Variants in INO80C observed in about 807,000 individuals in gnomAD.
INO80C encodes INO80 complex subunit C.
A neutral mutation model predicts 17.7 loss-of-function variants in INO80C; 17 were observed. The ratio of observed to expected loss-of-function variants is 0.96; its 90% CI spans 0.66 to 1.44. The LOEUF (loss-of-function observed/expected upper bound fraction) is 1.44, where lower values mean the gene tolerates loss of function less well. INO80C is among the 40% of genes most tolerant of loss of function. The pLI, the probability that INO80C is intolerant of heterozygous loss-of-function variation, is 0.00. For missense variants in INO80C, 244 were observed against 245.0 expected (o/e 1.00, Z 0.03); for synonymous variants, 96 against 95.8 (o/e 1.00, Z -0.01).
At chr18:35,473,951 A>G (rs973555754) in intron 4 of INO80C, among the ~76,000 whole-genome samples, 1 of 152,012 alleles carries the variant, frequency 6.6e-6, no homozygotes, top group Non-Finnish European at 1.5e-5. Context: ...CTCTTCAAGG[A>G]AAGATAACAG....
chr18:35,481,259 A>G (rs983089348), intron 1 of INO80C, among the ~76,000 whole-genome samples: 13 of 152,250 alleles, frequency 8.5e-5, no homozygotes, highest in Admixed American at 5.2e-4. Flanking sequence ...AAAAACCTTT[A>G]AGCTAACAAT....
chr18:35,468,600 C>T lies in INO80C; in HGVS notation c.*11G>A, dbSNP rs1226497524. On this transcript the variant is annotated 3_prime_UTR_variant, in exon 5 of 5. Coordinates refer to ENST00000334598, the MANE Select transcript of INO80C (RefSeq NM_194281.4). ...TGAAACAGCTTTCCACTTCATCTCC[C>T]TTTCTGGGGCTCAGGGAACGATGCT... 2 of 1,614,098 alleles carry T rather than the reference C, an allele frequency of 1.2e-6. No individual in the cohort carries two copies. The highest frequency in any genetic ancestry group is 1.7e-6 in the Non-Finnish European group (2 of 1,180,002).
intron 4 of INO80C, among the ~76,000 whole-genome samples, chr18:35,475,474 GC>G (rs1267588425): frequency 6.6e-6 from 1 of 152,082 alleles, no homozygotes; most frequent in Non-Finnish European, 1.5e-5. Context: ...TTGAGACCAG[GC>G]CCGGGCAACA....
At chr18:35,474,459 A>T (rs2045710764) in intron 4 of INO80C, among the ~76,000 whole-genome samples, 1 of 151,744 alleles carries the variant, frequency 6.6e-6, no homozygotes, top group Non-Finnish European at 1.5e-5. Flanking sequence ...AGGCCAAGGC[A>T]GGAGGATGAC....
At chr18:35,485,109 T>G (rs915162422) in intron 1 of INO80C, among the ~76,000 whole-genome samples, 4 of 151,994 alleles carry the variant, frequency 2.6e-5, no homozygotes, top group Non-Finnish European at 4.4e-5. Flanking sequence ...ACGACCTCAT[T>G]TAATCTTAAT....
At chr18:35,497,609 G>A (rs1222727107) in intron 1 of INO80C, 110 bp downstream of exon 1, 18 of 1,461,932 alleles carry the variant, frequency 1.2e-5, no homozygotes, top group South Asian at 1.4e-5. Context: ...CAACCCCAAC[G>A]GAGACCGCAC....
At chr18:35,483,462 T>G (rs914829859) in intron 1 of INO80C, 32 of 152,114 alleles carry the variant, frequency 2.1e-4, no homozygotes, top group Admixed American at 1.8e-3. Flanking sequence ...GAACAACAGA[T>G]CAGAAGAAAG....
chr18:35,492,714 C>T (rs1000600309), intron 1 of INO80C, among the ~76,000 whole-genome samples: 3 of 152,186 alleles, frequency 2.0e-5, no homozygotes, highest in Admixed American at 6.5e-5. Flanking sequence ...CCTCCAATTA[C>T]AGAAGATTCT....
At chr18:35,486,203 C>G (rs1482149388) in intron 1 of INO80C, among the ~76,000 whole-genome samples, 1 of 152,180 alleles carries the variant, frequency 6.6e-6, no homozygotes, top group Non-Finnish European at 1.5e-5. Context: ...CATTCTGATT[C>G]ATGCTCTGTC....
At chr18:35,476,554 A>G (rs896867128) in intron 4 of INO80C, among the ~76,000 whole-genome samples, 17 of 152,228 alleles carry the variant, frequency 1.1e-4, no homozygotes, top group African/African-American at 3.6e-4. Context: ...AAAACGCTCA[A>G]TAAATCCAGA....
At chr18:35,487,445 G>A (rs750916307) in intron 1 of INO80C, 32 of 350,260 alleles carry the variant, frequency 9.1e-5, no homozygotes, top group Middle Eastern at 9.8e-4. Context: ...CACGTCTTAC[G>A]TGGCAGCAGG....
At chr18:35,470,990 T>G (rs1405760467) in intron 4 of INO80C, among the ~76,000 whole-genome samples, 1 of 152,212 alleles carries the variant, frequency 6.6e-6, no homozygotes, top group Non-Finnish European at 1.5e-5. Context: ...CTTGCCCGTC[T>G]CACCCAGAAT....
chr18:35,497,102 T>C (rs1333331645), intron 1 of INO80C, among the ~76,000 whole-genome samples: 2 of 152,158 alleles, frequency 1.3e-5, no homozygotes, highest in East Asian at 1.9e-4. Context: ...CACTCCCTGC[T>C]GAAAATTCAT....
At chr18:35,487,115 A>C (rs1297917899) in intron 1 of INO80C, among the ~76,000 whole-genome samples, 1 of 152,230 alleles carries the variant, frequency 6.6e-6, no homozygotes. Flanking sequence ...CTAAGTGCTC[A>C]AATCTAACAT....
chr18:35,474,609 C>T (rs1029097202), intron 4 of INO80C, among the ~76,000 whole-genome samples: 1 of 151,990 alleles, frequency 6.6e-6, no homozygotes, highest in East Asian at 1.9e-4. Context: ...ATCGCTTGAG[C>T]CCAGGAGTTT....
chr18:35,485,118 A>G (rs947381294), intron 1 of INO80C, among the ~76,000 whole-genome samples: 4 of 151,954 alleles, frequency 2.6e-5, no homozygotes, highest in African/African-American at 9.7e-5. Flanking sequence ...TTTAATCTTA[A>G]TTACCTCCCT....
chr18:35,474,977 C>G (rs1184343358), intron 4 of INO80C, among the ~76,000 whole-genome samples: 1 of 151,982 alleles, frequency 6.6e-6, no homozygotes, highest in Non-Finnish European at 1.5e-5. Flanking sequence ...AACTGGAATC[C>G]TAGAAGAAGG....
chr18:35,485,306 C>T (rs1429086660), intron 1 of INO80C, among the ~76,000 whole-genome samples: 1 of 152,208 alleles, frequency 6.6e-6, no homozygotes, highest in African/African-American at 2.4e-5. Flanking sequence ...ATTTCAAAAA[C>T]TTAAGCAACA....
chr18:35,470,296 CTG>C (rs2045654801), intron 4 of INO80C, among the ~76,000 whole-genome samples: 1 of 152,124 alleles, frequency 6.6e-6, no homozygotes, highest in Admixed American at 6.5e-5. Context: ...TATTTAACTG[CTG>C]TGTGTTAGGA....
Sources: gnomAD v4.1 joint callset for allele counts (sites outside exome capture counted in the v4.1 genomes callset) on GRCh38, gnomAD v4.1.1 for gene constraint, MANE v1.5 for transcripts, NCBI Gene and HGNC (gene_info 2026-07-23, HGNC 2026-07-21) for gene names.